Variants in DCC observed in about 807,000 individuals in gnomAD.
The protein encoded by DCC is DCC netrin 1 receptor.
A neutral mutation model predicts 172.5 loss-of-function variants in DCC; 58 were observed. The ratio of observed to expected loss-of-function variants is 0.34; its 90% CI spans 0.27 to 0.42. DCC has a LOEUF of 0.42. Among genes scored for constraint, DCC ranks in the 10% least tolerant of loss-of-function variants. DCC has a pLI of 1.00. For synonymous variants in DCC, 709 were observed against 644.5 expected, an observed-to-expected ratio of 1.10 and a Z score of -1.52; for missense variants, 1,740 against 1,791.0, an observed-to-expected ratio of 0.97 and a Z score of 0.51.
At chr18:53,461,407 G>A (rs1450525515) in intron 24 of DCC, among the ~76,000 whole-genome samples, 1 of 151,940 alleles carries the variant, frequency 6.6e-6, no homozygotes, top group Admixed American at 6.6e-5. Context: ...GGGTTTTTAT[G>A]GTTTTAGGTC....
At position 52,662,411 on chromosome 18, in the gene DCC, C is replaced by A. The variant is rs924246774; in HGVS notation, c.92-89643C>A. ...GACCCAGGTCATCTAGTTCCCAGCA[C>A]AATAAATGCGAAAAGATTCATCCTA... On this transcript the variant is annotated intron_variant, in intron 1 of 28. Coordinates refer to ENST00000442544, the MANE Select transcript of DCC (RefSeq NM_005215.4). Among the ~76,000 whole-genome samples the A allele has an allele frequency of 2.7e-5, 4 of 146,826 alleles. No homozygotes were observed. The South Asian group carries it at 8.5e-4, about 31-fold the overall frequency.
intron 1 of DCC, among the ~76,000 whole-genome samples, chr18:52,424,261 T>C (rs557106485): frequency 1.3e-5 from 2 of 152,286 alleles, no homozygotes; most frequent in East Asian, 3.9e-4. Flanking sequence ...ATTTCCACAA[T>C]CACCGTTCGT....
rs561410383 is a variant in DCC at position 52,376,135 on chromosome 18, A to T, written c.91+35257A>T. Among the ~76,000 whole-genome samples the T allele has an allele frequency of 1.1e-4, 17 of 152,152 alleles. No homozygotes were observed. In the South Asian group the frequency reaches 3.5e-3, roughly 32 times the overall value. ...GCTTGAACTAAATCTATTAACTGTC[A>T]TAGGGTGCTGTTTATAAAATAACTC... is the stretch of plus-strand genomic sequence containing the variant. On this transcript the variant is annotated intron_variant, in intron 1 of 28. Coordinates refer to ENST00000442544, the MANE Select transcript of DCC (RefSeq NM_005215.4).
At chr18:52,513,701 G>A (rs1339753345) in intron 1 of DCC, among the ~76,000 whole-genome samples, 1 of 152,010 alleles carries the variant, frequency 6.6e-6, no homozygotes, top group African/African-American at 2.4e-5. Flanking sequence ...CCAAAACTAG[G>A]TCCCTTTCCT....
In DCC at chr18:52,765,198, TA is replaced by T. The variant is rs202015089; in HGVS notation, c.412+12826del. The stretch of plus-strand genomic sequence containing the variant: ...ACAGGCATGTGCTAGCACTCCTGGC[TA>T]ATTTTTTTTTTTTTTTTTTGTATTT... On this transcript the variant is annotated intron_variant, in intron 2 of 28. Coordinates refer to ENST00000442544, the MANE Select transcript of DCC (RefSeq NM_005215.4). 9.8e-4 allele frequency among the ~76,000 whole-genome samples: 47 copies of T among 47,848 alleles called. 1 individual carries two copies. Among genetic ancestry groups the T allele is most frequent in the South Asian group, 2.9e-3 (5 of 1,708 alleles). The allele number at this position is 47,848 out of a possible 152,430, so 31.4% of individuals were successfully genotyped here.
At position 52,685,915 on chromosome 18, in the gene DCC, T is replaced by A. The variant is rs572047971; in HGVS notation, c.92-66139T>A. 3.3e-5 allele frequency among the ~76,000 whole-genome samples: 5 copies of A among 152,220 alleles called. No individual in the cohort carries two copies. In the South Asian group the frequency reaches 1.0e-3, roughly 32 times the overall value. On this transcript the variant is annotated intron_variant, in intron 1 of 28. Transcript: ENST00000442544. ...GAAGCACTGTATTATATTAGAAAGA[T>A]TCTTATATGGGAGTAAACAAAATCC...
chr18:52,745,979 ATGTTTGTTTGTTTT>A (rs1385985902), intron 1 of DCC, among the ~76,000 whole-genome samples: 1 of 152,118 alleles, frequency 6.6e-6, no homozygotes, highest in African/African-American at 2.4e-5. Flanking sequence ...CTGTTAATTC[ATGTTTGTTTGTTTT>A]TGTTTTTTAA....
chr18:52,847,832 T>C (rs1460236036), intron 2 of DCC, among the ~76,000 whole-genome samples: 1 of 152,176 alleles, frequency 6.6e-6, no homozygotes, highest in Non-Finnish European at 1.5e-5. Flanking sequence ...AACTTAAGGA[T>C]TTATTAGCCT....
intron 1 of DCC, among the ~76,000 whole-genome samples, chr18:52,612,865 T>A (rs903379353): frequency 6.6e-6 from 1 of 152,252 alleles, no homozygotes; most frequent in Non-Finnish European, 1.5e-5. Context: ...AGCTGATGAC[T>A]GACCACTTCT....
chr18:53,266,732 A>G (rs1210679784), intron 12 of DCC, among the ~76,000 whole-genome samples: 2 of 151,554 alleles, frequency 1.3e-5, no homozygotes, highest in South Asian at 4.2e-4. Flanking sequence ...TTCTGTCTCT[A>G]TGTATTTGTG....
intron 26 of DCC, among the ~76,000 whole-genome samples, chr18:53,488,106 A>G (rs1053724109): frequency 2.6e-5 from 4 of 152,164 alleles, no homozygotes; most frequent in Admixed American, 6.5e-5. Context: ...ATATTCTCTG[A>G]CTTTAAAGGG....
At chr18:53,128,904 T>TATATATATATATATA (rs2043610955) in intron 7 of DCC, among the ~76,000 whole-genome samples, 3 of 139,592 alleles carry the variant, frequency 2.1e-5, no homozygotes, top group African/African-American at 5.4e-5. Flanking sequence ...TATATATATA[T>TATATATATATATATA]TATTTGGAGT....
intron 1 of DCC, among the ~76,000 whole-genome samples, chr18:52,377,837 G>T (rs756208787): frequency 5.9e-5 from 9 of 151,604 alleles, no homozygotes; most frequent in Non-Finnish European, 1.0e-4. Flanking sequence ...CACCTGAGTT[G>T]CTGGGATTAC....
intron 7 of DCC, among the ~76,000 whole-genome samples, chr18:53,132,821 C>T (rs1034896418): frequency 6.6e-6 from 1 of 152,074 alleles, no homozygotes; most frequent in African/African-American, 2.4e-5. Context: ...TGGAGAAGGA[C>T]CCATCATTCT....
chr18:52,923,836 G>A lies in DCC; in HGVS notation c.827G>A (p.Gly276Asp), dbSNP rs1413803345. The A allele has an allele frequency of 6.2e-7, 1 of 1,613,302 alleles. No homozygotes were observed. Among genetic ancestry groups the A allele is most frequent in the East Asian group, 2.2e-5 (1 of 44,830 alleles). Residue 276 changes from glycine to aspartate, a missense_variant, in exon 4 of 29, where the codon GGC (glycine) becomes GAC (aspartate). Gly to Asp is a moderately conservative substitution (Grantham distance 94). Coordinates refer to ENST00000442544, the MANE Select transcript of DCC (RefSeq NM_005215.4). ...CCACCAAGTTTTACCTGGTTACGAGGCGAGGAAGTCATCCAACTCAGGTAT... is the reference window on the plus strand; with the variant it reads ...CCACCAAGTTTTACCTGGTTACGAGACGAGGAAGTCATCCAACTCAGGTAT... Reference protein sequence around the residue: ...YPPPSFTWLRGEEVIQLRSKK... With the variant: ...YPPPSFTWLRDEEVIQLRSKK...
intron 2 of DCC, among the ~76,000 whole-genome samples, chr18:52,880,356 C>G (rs1046165508): frequency 6.6e-6 from 1 of 152,144 alleles, no homozygotes; most frequent in Non-Finnish European, 1.5e-5. Context: ...CCATGTTGGC[C>G]AGGTTGGTCT....
chr18:53,120,244 G>T (rs1380323457), intron 7 of DCC, among the ~76,000 whole-genome samples: 1 of 151,768 alleles, frequency 6.6e-6, no homozygotes, highest in Non-Finnish European at 1.5e-5. Context: ...ATGTGGGGAA[G>T]ATATTTGTAT....
chr18:52,547,979 T>A, intron 1 of DCC, among the ~76,000 whole-genome samples: 1 of 152,218 alleles, frequency 6.6e-6, no homozygotes, highest in East Asian at 1.9e-4. Flanking sequence ...AAACAGGCAG[T>A]AGGCTGGATT....
intron 1 of DCC, among the ~76,000 whole-genome samples, chr18:52,587,195 G>C (rs934940365): frequency 2.6e-5 from 4 of 152,232 alleles, no homozygotes; most frequent in Admixed American, 1.3e-4. Flanking sequence ...CGGGCTCAGT[G>C]TTGGTCTCTG....
Sources: allele counts gnomAD v4.1 joint callset (sites outside exome capture counted in the v4.1 genomes callset), GRCh38; gene constraint gnomAD v4.1.1; transcripts MANE v1.5; gene names NCBI Gene and HGNC (gene_info 2026-07-23, HGNC 2026-07-21).